Variants in EPG5 observed in about 807,000 individuals in gnomAD.
EPG5 encodes ectopic P-granules 5 autophagy tethering factor.
Under a neutral mutation model 302.7 loss-of-function variants are expected in EPG5, and 159 were observed. That is an observed-to-expected ratio of 0.53 (90% CI 0.46 to 0.60). The LOEUF is 0.60. Among genes scored for constraint, EPG5 ranks in the 20% least tolerant of loss-of-function variants. EPG5 has a pLI of 0.00. For missense variants in EPG5, 2,896 were observed against 3,092.4 expected (o/e 0.94, Z 1.51); for synonymous variants, 1,158 against 1,136.8 (o/e 1.02, Z -0.37).
chr18:45,875,546 C>T (rs1280731212), intron 35 of EPG5, among the ~76,000 whole-genome samples: 1 of 151,876 alleles, frequency 6.6e-6, no homozygotes, highest in Non-Finnish European at 1.5e-5. Flanking sequence ...GCAGATGAGA[C>T]AGAGCTGGAG....
At chr18:45,965,821 A>G (rs2051236275) in intron 1 of EPG5, among the ~76,000 whole-genome samples, 1 of 152,014 alleles carries the variant, frequency 6.6e-6, no homozygotes, top group Non-Finnish European at 1.5e-5. Context: ...TGGGAGGCCA[A>G]GATGGGCGGA....
At chr18:45,867,806 A>G in intron 36 of EPG5, 58 bp from the exon 37 acceptor site, 1 of 1,407,608 alleles carries the variant, frequency 7.1e-7, no homozygotes, top group Admixed American at 2.1e-5. Context: ...GTATCTGGAA[A>G]ATGTATGTAA....
chr18:45,895,620 G>C (rs1046515479), intron 27 of EPG5, among the ~76,000 whole-genome samples: 1 of 152,144 alleles, frequency 6.6e-6, no homozygotes, highest in Non-Finnish European at 1.5e-5. Context: ...AGAAACCCTG[G>C]AAACTGAGAA....
intron 12 of EPG5, among the ~76,000 whole-genome samples, chr18:45,929,538 A>G (rs1278733134): frequency 6.6e-6 from 1 of 152,238 alleles, no homozygotes; most frequent in Non-Finnish European, 1.5e-5. Flanking sequence ...AATAAAATAG[A>G]AAAATGTAAT....
At chr18:45,878,753 G>A (rs1214816363) in intron 33 of EPG5, among the ~76,000 whole-genome samples, 1 of 152,178 alleles carries the variant, frequency 6.6e-6, no homozygotes, top group African/African-American at 2.4e-5. Context: ...GAAAGGGTTG[G>A]AAACTGAAAC....
intron 2 of EPG5, chr18:45,953,363 T>C (rs2050954295): frequency 5.1e-6 from 5 of 985,266 alleles, no homozygotes; most frequent in African/African-American, 1.7e-5. Flanking sequence ...CTCAAGAGAA[T>C]ACACACTCCA....
chr18:45,816,766 G>T, the EPG5 span, among the ~76,000 whole-genome samples: 218 of 152,302 alleles, frequency 1.4e-3, no homozygotes, highest in African/African-American at 5.1e-3. Context: ...CCACTACTGG[G>T]TGTCTACTCA....
At position 45,912,291 on chromosome 18, in the gene EPG5, C is replaced by A; in HGVS notation, c.3982G>T (p.Gly1328Trp). The A allele has an allele frequency of 6.3e-7, 1 of 1,585,676 alleles. No individual in the cohort carries two copies. Residue 1328 changes from glycine (G) to tryptophan (W), a missense_variant and splice_region_variant, in exon 22 of 44, where the codon GGG (glycine) becomes TGG (tryptophan). This residue lies in a region of EPG5 where 790 missense variants were observed against 798.0 expected (regional missense o/e 0.99). Coordinates refer to ENST00000282041, the MANE Select transcript of EPG5 (RefSeq NM_020964.3). ...LYLHRPGPQY[G>W]LPIDGCIGRR... ...AACCTACAATACTGGGCAGCATACC[C>A]ATACTGTGGTCCCGGACGGTGAAGA...
intron 27 of EPG5, among the ~76,000 whole-genome samples, chr18:45,891,342 T>C (rs2049341630): frequency 6.6e-6 from 1 of 151,822 alleles, no homozygotes; most frequent in Admixed American, 6.6e-5. Context: ...CTACTAAAAA[T>C]ACAAAAATTA....
Position 45,923,820 on chromosome 18 carries a change from G to C in EPG5, c.2719-433C>G, listed in dbSNP as rs192106921. The stretch of plus-strand genomic sequence containing the variant: ...AAGACAGACAGATAACTTGAGGTCA[G>C]GAGTTTGAAACCAGCCTGGCCAACA... On this transcript the variant is annotated intron_variant, in intron 14 of 43. Transcript: ENST00000282041. Among the ~76,000 whole-genome samples the C allele has an allele frequency of 2.4e-4, 36 of 152,266 alleles. No individual in the cohort carries two copies. In the East Asian group the frequency reaches 6.9e-3, roughly 29 times the overall value.
the EPG5 span, chr18:45,842,089 C>T: frequency 6.2e-7 from 1 of 1,613,566 alleles, no homozygotes; most frequent in Non-Finnish European, 8.5e-7. Flanking sequence ...GATCATTCAA[C>T]TTTCTCCTGT....
chr18:45,948,516 T>A lies in EPG5; in HGVS notation c.1558A>T (p.Met520Leu). Residue 520 changes from methionine to leucine, a missense_variant, in exon 6 of 44, where the codon ATG becomes TTG. Transcript: ENST00000282041. ...TTGCACACTTACTTGACAGGAGACA[T>A]CAGCAGGGCAAGGGATTGCATAAAA... ...FHFMQSLALL[M>L]SPVKNRAEFM... 6.2e-7 allele frequency: 1 copy of A among 1,613,484 alleles called. No individual in the cohort carries two copies. Among genetic ancestry groups the A allele is most frequent in the East Asian group, 2.2e-5 (1 of 44,882 alleles).
intron 39 of EPG5, among the ~76,000 whole-genome samples, chr18:45,861,111 AG>A (rs2048625047): frequency 6.6e-6 from 1 of 152,238 alleles, no homozygotes; most frequent in African/African-American, 2.4e-5. Flanking sequence ...TTATGTCAAT[AG>A]GAAGGGTAAA....
chr18:45,870,680 A>G lies in EPG5; in HGVS notation c.6112T>C (p.Cys2038Arg), dbSNP rs375057925. Residue 2038 changes from cysteine (C) to arginine (R), a missense_variant, in exon 36 of 44, where the codon TGT (cysteine) becomes CGT (arginine). By Grantham distance (180) the Cys-to-Arg change is radical (BLOSUM62 -3). Transcript: ENST00000282041. ...AACTCTGGCATTTTGGGTGCTGTAC[A>G]TGCTTCACAATAATGCATCAGGTGC... is the stretch of plus-strand genomic sequence containing the variant. ...WLHLMHYCEA[C>R]TAPKMPEFIL... The G allele has an allele frequency of 1.2e-6, 2 of 1,613,686 alleles. No homozygotes were observed. The highest frequency in any genetic ancestry group is 1.1e-5 in the South Asian group (1 of 91,056).
Position 45,955,194 on chromosome 18 carries a change from C to T in EPG5, c.208G>A (p.Asp70Asn), listed in dbSNP as rs751395952. ...CTCTCATTTTGTCCACTGGCATCAT[C>T]CTGGAGCTGGGAATCAGTTACCACC... ...LKVVTDSQLQ[D>N]DASGQNESEM... Residue 70 changes from aspartate to asparagine, a missense_variant, in exon 2 of 44, where the codon GAT (aspartate) becomes AAT (asparagine). Asp to Asn is a conservative substitution (Grantham distance 23, BLOSUM62 1). This residue lies in a region of EPG5 where 1,390 missense variants were observed against 1,430.0 expected (regional missense o/e 0.97). Coordinates refer to ENST00000282041, the MANE Select transcript of EPG5 (RefSeq NM_020964.3). 6.2e-7 allele frequency: 1 copy of T among 1,614,176 alleles called. No homozygotes were observed. Among genetic ancestry groups the T allele is most frequent in the South Asian group, 1.1e-5 (1 of 91,080 alleles).
chr18:45,960,929 C>T (rs2051134837), intron 1 of EPG5, among the ~76,000 whole-genome samples: 1 of 152,034 alleles, frequency 6.6e-6, no homozygotes, highest in Non-Finnish European at 1.5e-5. Flanking sequence ...TCCAAGGCTA[C>T]TCCACATTGC....
the EPG5 span, chr18:45,837,759 C>G: frequency 6.6e-7 from 1 of 1,519,504 alleles, no homozygotes; most frequent in Non-Finnish European, 8.8e-7. Flanking sequence ...CTGGGCAACC[C>G]GCGCCGCAAC....
chr18:45,823,292 G>C, the EPG5 span, among the ~76,000 whole-genome samples: 5 of 152,166 alleles, frequency 3.3e-5, no homozygotes, highest in Admixed American at 2.0e-4. Context: ...AGACACCTGA[G>C]ATGAGGGTGA....
At chr18:45,860,818 A>C (rs898307124) in intron 39 of EPG5, among the ~76,000 whole-genome samples, 7 of 152,238 alleles carry the variant, frequency 4.6e-5, no homozygotes, top group Non-Finnish European at 1.0e-4. Flanking sequence ...TTAAAACTAA[A>C]TATAAATGTA....
Sources: gnomAD v4.1 joint callset for allele counts (sites outside exome capture counted in the v4.1 genomes callset) on GRCh38, gnomAD v4.1.1 for gene constraint, gnomAD v4.1.1 regional missense constraint, MANE v1.5 for transcripts, NCBI Gene and HGNC (gene_info 2026-07-23, HGNC 2026-07-21) for gene names.